SCN2A: variants seen among roughly 807,000 people sequenced by gnomAD.
SCN2A encodes the protein sodium channel protein type 2 subunit alpha.
SCN2A carries 20 observed loss-of-function variants against 188.7 expected under a neutral mutation model. That is an observed-to-expected ratio of 0.11 (90% CI 0.07 to 0.15). The LOEUF is 0.15. Ranked by LOEUF, SCN2A falls within the 10% of genes least tolerant of loss-of-function variation. The pLI is 1.00. For synonymous variants in SCN2A, 804 were observed against 833.1 expected, an observed-to-expected ratio of 0.97 and a Z score of 0.60; for missense variants, 1,278 against 2,445.0, an observed-to-expected ratio of 0.52 and a Z score of 10.07.
intron 22 of SCN2A, among the ~76,000 whole-genome samples, chr2:165,375,745 A>G (rs528624019): frequency 6.6e-6 from 1 of 152,108 alleles, no homozygotes; most frequent in Admixed American, 6.6e-5. Context: ...TTTCAAAAAT[A>G]AGCCCTCGTG....
intron 25 of SCN2A, 130 bp from the exon 26 acceptor site, chr2:165,386,615 TA>T: frequency 1.0e-6 from 1 of 971,470 alleles, no homozygotes; most frequent in African/African-American, 1.7e-5. Context: ...TTTTTTTTTG[TA>T]AAATGTTGTG....
At chr2:165,299,979 C>CT (rs1392150839) in intron 3 of SCN2A, among the ~76,000 whole-genome samples, 1 of 152,060 alleles carries the variant, frequency 6.6e-6, no homozygotes, top group Non-Finnish European at 1.5e-5. Context: ...ATCAAATTAG[C>CT]TTTTTTAAAA....
chr2:165,275,848 C>T (rs985581592), intron 1 of SCN2A, among the ~76,000 whole-genome samples: 4 of 152,036 alleles, frequency 2.6e-5, no homozygotes, highest in Non-Finnish European at 4.4e-5. Flanking sequence ...AATTCTCCTG[C>T]GTCAGCCTCC....
intron 25 of SCN2A, among the ~76,000 whole-genome samples, chr2:165,383,747 G>A (rs564621113): frequency 2.6e-5 from 4 of 152,102 alleles, no homozygotes; most frequent in Non-Finnish European, 5.9e-5. Flanking sequence ...TTGAATATGG[G>A]AACTAAAGAA....
intron 1 of SCN2A, among the ~76,000 whole-genome samples, chr2:165,261,307 G>T (rs978617800): frequency 6.6e-6 from 1 of 152,166 alleles, no homozygotes; most frequent in South Asian, 2.1e-4. Context: ...TATCTCTAAA[G>T]TGTCTTCCAC....
At chr2:165,328,792 A>G (rs1216847184) in intron 13 of SCN2A, among the ~76,000 whole-genome samples, 1 of 152,078 alleles carries the variant, frequency 6.6e-6, no homozygotes, top group African/African-American at 2.4e-5. Flanking sequence ...TCGTTTTATT[A>G]TCTGCAGAGC....
chr2:165,291,572 CCTT>C (rs1559340771), intron 1 of SCN2A, among the ~76,000 whole-genome samples: 105 of 66,262 alleles, frequency 1.6e-3, no homozygotes, highest in East Asian at 8.7e-3. Flanking sequence ...TTCCTTCCTT[CCTT>C]TCTCTCTCTC....
intron 17 of SCN2A, among the ~76,000 whole-genome samples, chr2:165,355,038 T>TGA (rs1408368840): frequency 6.6e-6 from 1 of 152,238 alleles, no homozygotes; most frequent in East Asian, 1.9e-4. Flanking sequence ...AAATATCTGA[T>TGA]GAGAGGGTAG....
intron 23 of SCN2A, among the ~76,000 whole-genome samples, chr2:165,378,002 T>A (rs903792698): frequency 1.6e-4 from 25 of 151,792 alleles, no homozygotes; most frequent in Non-Finnish European, 3.2e-4. Flanking sequence ...CTGTAATATA[T>A]TTCCTCCAGC....
chr2:165,337,435 T>G (rs1699061367), intron 14 of SCN2A, among the ~76,000 whole-genome samples: 1 of 152,038 alleles, frequency 6.6e-6, no homozygotes, highest in Admixed American at 6.6e-5. Context: ...TTCCCAAAGT[T>G]GGTGAAAAAT....
intron 16 of SCN2A, among the ~76,000 whole-genome samples, chr2:165,348,897 A>T (rs189741099): frequency 3.3e-5 from 5 of 152,298 alleles, no homozygotes; most frequent in Non-Finnish European, 5.9e-5. Flanking sequence ...AGGGAAGGTG[A>T]TGTAAGAGAG....
chr2:165,368,653 T>C lies in SCN2A; in HGVS notation c.3675+1282T>C, dbSNP rs1196490035. ...GATGGCATTACAAACTTATGTCTGA[T>C]TTCATTCAATGAAATGATCAACTGG... On this transcript the variant is annotated intron_variant, in intron 19 of 26. Coordinates refer to ENST00000375437, the MANE Select transcript of SCN2A (RefSeq NM_001040142.2). Among the ~76,000 whole-genome samples the C allele has an allele frequency of 2.0e-5, 3 of 152,354 alleles. No individual in the cohort carries two copies. In the East Asian group the frequency reaches 5.8e-4, roughly 29 times the overall value.
At chr2:165,323,758 C>A (rs536184072) in intron 12 of SCN2A, among the ~76,000 whole-genome samples, 1 of 152,018 alleles carries the variant, frequency 6.6e-6, no homozygotes, top group East Asian at 1.9e-4. Flanking sequence ...TGAAACTCGC[C>A]AAAAAGCAAA....
At chr2:165,293,426 T>G (rs1696322301) in intron 1 of SCN2A, among the ~76,000 whole-genome samples, 1 of 152,190 alleles carries the variant, frequency 6.6e-6, no homozygotes, top group Non-Finnish European at 1.5e-5. Flanking sequence ...ATTACACAAC[T>G]AGGTTACATG....
intron 17 of SCN2A, among the ~76,000 whole-genome samples, chr2:165,359,066 G>A (rs1242938574): frequency 6.6e-6 from 1 of 151,964 alleles, no homozygotes; most frequent in East Asian, 1.9e-4. Flanking sequence ...AGTGTAGTTG[G>A]CTATTTGGAA....
rs372777552 is a variant in SCN2A at position 165,354,172 on chromosome 2, T to C, written c.2920-20T>C. The C allele has an allele frequency of 5.0e-6, 8 of 1,613,006 alleles. No individual in the cohort carries two copies. Among genetic ancestry groups the C allele is most frequent in the Non-Finnish European group, 5.9e-6 (7 of 1,179,958 alleles). On this transcript the variant is annotated intron_variant, in intron 16 of 26. Transcript: ENST00000375437. ...AGCAATAGAATGTTTTGATCACCTG[T>C]TTTTCCTGCTGTGTTTCAGGTTCTG...
intron 1 of SCN2A, chr2:165,274,274 C>T (rs1377613414): frequency 6.6e-6 from 1 of 151,060 alleles, no homozygotes; most frequent in Admixed American, 6.6e-5. Context: ...GGTTTACTTA[C>T]TCCCAATAAT....
intron 1 of SCN2A, among the ~76,000 whole-genome samples, chr2:165,265,781 C>T (rs901177392): frequency 6.6e-6 from 1 of 150,706 alleles, no homozygotes; most frequent in Non-Finnish European, 1.5e-5. Context: ...ATTATTATTT[C>T]TTTTTTATTA....
chr2:165,291,525 T>TTTCCTTCCTTCC lies in SCN2A; in HGVS notation c.-51-4209_-51-4198dup, dbSNP rs369490510. On this transcript the variant is annotated intron_variant, in intron 1 of 26. Transcript: ENST00000375437. The stretch of plus-strand genomic sequence containing the variant: ...TTTCTTTCTTTCTTCCTCTCCTTTC[T>TTTCCTTCCTTCC]TTCCTTCCTTCCTTCCTTCCTTCCT... Among the ~76,000 whole-genome samples the TTTCCTTCCTTCC allele has an allele frequency of 2.8e-3, 167 of 58,630 alleles. 1 individual carries two copies. Among genetic ancestry groups the TTTCCTTCCTTCC allele is most frequent in the African/African-American group, 7.5e-3 (95 of 12,592 alleles). The allele number at this position is 58,630 out of a possible 152,430, so 38.5% of individuals were successfully genotyped here.
Sources: gnomAD v4.1 joint callset for allele counts (sites outside exome capture counted in the v4.1 genomes callset) on GRCh38, gnomAD v4.1.1 for gene constraint, MANE v1.5 for transcripts, NCBI Gene and HGNC (gene_info 2026-07-23, HGNC 2026-07-21) for gene names.